Variants in UGGT2 observed in about 807,000 individuals in gnomAD.
The protein encoded by UGGT2 is UDP-glucose glycoprotein glucosyltransferase 2.
Under a neutral mutation model 192.1 loss-of-function variants are expected in UGGT2, and 180 were observed. The observed-to-expected ratio is 0.94, with a 90% confidence interval of 0.83 to 1.06. The LOEUF is 1.06. Ranked by LOEUF, UGGT2 falls within the 50% of genes least tolerant of loss-of-function variation. UGGT2 has a pLI of 0.00. For missense variants in UGGT2, 1,849 were observed against 1,795.7 expected (o/e 1.03, Z -0.54); for synonymous variants, 580 against 591.0 (o/e 0.98, Z 0.27).
At chr13:95,859,424 C>T (rs1889939630) in intron 33 of UGGT2, among the ~76,000 whole-genome samples, 167 bp downstream of exon 33, 1 of 152,076 alleles carries the variant, frequency 6.6e-6, no homozygotes. Flanking sequence ...CTTTGAACAT[C>T]TCTAAATAAA....
At chr13:95,849,539 T>C (rs1190300483) in intron 36 of UGGT2, among the ~76,000 whole-genome samples, 2 of 123,010 alleles carry the variant, frequency 1.6e-5, no homozygotes, top group African/African-American at 5.8e-5. Flanking sequence ...TGAGACTCTG[T>C]CTCAAAAAAA....
chr13:95,964,060 C>T (rs530941286), intron 12 of UGGT2, among the ~76,000 whole-genome samples: 4 of 152,138 alleles, frequency 2.6e-5, no homozygotes, highest in Admixed American at 2.6e-4. Flanking sequence ...CATCACACCA[C>T]CTGATTTGAA....
At position 95,927,350 on chromosome 13, in the gene UGGT2, A is replaced by T; in HGVS notation, c.1978-14T>A. ...ATTTAATGTGCCCTAAAAAAACAAAAATGTTATTTAGATAATACAGGCAAT... is the reference window on the plus strand; with the variant it reads ...ATTTAATGTGCCCTAAAAAAACAAATATGTTATTTAGATAATACAGGCAAT... On this transcript the variant is annotated splice_polypyrimidine_tract_variant and intron_variant, in intron 17 of 38. Transcript: ENST00000376747. The T allele has an allele frequency of 1.3e-6, 2 of 1,589,594 alleles. No homozygotes were observed. The highest frequency in any genetic ancestry group is 1.7e-6 in the Non-Finnish European group (2 of 1,171,270).
chr13:95,829,184 C>T (rs558315260), intron 38 of UGGT2, among the ~76,000 whole-genome samples: 27 of 152,156 alleles, frequency 1.8e-4, no homozygotes, highest in East Asian at 7.7e-4. Context: ...ATAATAAGAG[C>T]GATTTATGAC....
At chr13:96,013,919 T>C (rs1451211833) in intron 4 of UGGT2, among the ~76,000 whole-genome samples, 7 of 152,168 alleles carry the variant, frequency 4.6e-5, no homozygotes, top group Non-Finnish European at 1.0e-4. Flanking sequence ...AATCCCCAAG[T>C]ATAAGCAAAG....
At chr13:95,928,976 C>T (rs1008902823) in intron 17 of UGGT2, among the ~76,000 whole-genome samples, 2 of 152,192 alleles carry the variant, frequency 1.3e-5, no homozygotes, top group Admixed American at 1.3e-4. Context: ...GCAGATCACT[C>T]GAGGTCAGGA....
chr13:95,900,730 G>A, intron 22 of UGGT2, 77 bp downstream of exon 22: 1 of 1,438,086 alleles, frequency 7.0e-7, no homozygotes, highest in Non-Finnish European at 9.3e-7. Flanking sequence ...CACATCAGGG[G>A]AATTGTGACA....
chr13:96,043,165 A>G (rs2139207357), intron 1 of UGGT2, among the ~76,000 whole-genome samples: 1 of 152,342 alleles, frequency 6.6e-6, no homozygotes, highest in East Asian at 1.9e-4. Context: ...TTAACAGCAG[A>G]TTTCTCAGCA....
At chr13:95,866,425 T>C (rs2140108881) in intron 30 of UGGT2, among the ~76,000 whole-genome samples, 1 of 152,280 alleles carries the variant, frequency 6.6e-6, no homozygotes, top group African/African-American at 2.4e-5. Flanking sequence ...TAGAAAAATT[T>C]GATTTGCAGC....
Position 95,895,303 on chromosome 13 carries a change from A to T in UGGT2, c.2636T>A (p.Phe879Tyr). ...GEMGIVSNGR[F>Y]LGPLDEDFYA... ...AAAATCTTCATCTAAAGGTCCTAAG[A>T]ACTTAAAATAAAAACAGTTATATTA... Residue 879 changes from phenylalanine (F) to tyrosine (Y), a missense_variant and splice_region_variant, in exon 23 of 39, where the codon TTC becomes TAC. Transcript: ENST00000376747. 7.0e-7 allele frequency: 1 copy of T among 1,422,946 alleles called. No homozygotes were observed. Among genetic ancestry groups the T allele is most frequent in the Non-Finnish European group, 9.6e-7 (1 of 1,044,482 alleles). The allele number at this position is 1,422,946 out of a possible 1,614,324, so 88.1% of individuals were successfully genotyped here.
chr13:95,914,326 A>T (rs1017467127), intron 20 of UGGT2, among the ~76,000 whole-genome samples: 3 of 152,126 alleles, frequency 2.0e-5, no homozygotes, highest in Non-Finnish European at 1.5e-5. Flanking sequence ...GTTTCTTAAA[A>T]CTACTGGCAT....
intron 5 of UGGT2, among the ~76,000 whole-genome samples, chr13:96,009,504 C>T (rs2052086696): frequency 6.6e-6 from 1 of 152,176 alleles, no homozygotes; most frequent in Non-Finnish European, 1.5e-5. Flanking sequence ...AAAAAATAAA[C>T]AGCCCCATTA....
intron 16 of UGGT2, among the ~76,000 whole-genome samples, chr13:95,937,338 T>C (rs974852086): frequency 7.2e-5 from 11 of 152,204 alleles, no homozygotes; most frequent in African/African-American, 2.7e-4. Context: ...TCTGACATAG[T>C]GACTCCACTC....
intron 1 of UGGT2, among the ~76,000 whole-genome samples, chr13:96,033,396 G>GA (rs752474672): frequency 2.6e-5 from 4 of 152,074 alleles, no homozygotes; most frequent in Non-Finnish European, 5.9e-5. Context: ...TTGGTAGGGT[G>GA]GAGGGCCCGC....
At chr13:95,923,370 T>TTA (rs2048910489) in intron 20 of UGGT2, among the ~76,000 whole-genome samples, 1 of 56,492 alleles carries the variant, frequency 1.8e-5, no homozygotes, top group South Asian at 5.2e-4. Context: ...AGCATATTCT[T>TTA]TTTTTTTTTT....
intron 17 of UGGT2, among the ~76,000 whole-genome samples, chr13:95,931,764 A>G (rs1382836920): frequency 1.3e-5 from 2 of 152,044 alleles, no homozygotes; most frequent in Non-Finnish European, 2.9e-5. Flanking sequence ...CCCACCCGGA[A>G]CTCGCGCTGG....
Position 95,927,069 on chromosome 13 carries a change from C to T in UGGT2, c.2159G>A (p.Ser720Asn), listed in dbSNP as rs754246134. The change falls in exon 19 of 39, where the codon AGT (serine) becomes AAT (asparagine). Residue 720 changes from serine (S) to asparagine (N), a missense_variant. Coordinates refer to ENST00000376747, the MANE Select transcript of UGGT2 (RefSeq NM_020121.4). ...ATACATGTTCTTTGCAATTACAGCACTCTTATCTTGTGAATCCAAGAAAAA... is the reference window on the plus strand; with the variant it reads ...ATACATGTTCTTTGCAATTACAGCATTCTTATCTTGTGAATCCAAGAAAAA... ...TFFFLDSQDK[S>N]AVIAKNMYYL... 5 of 1,611,314 alleles carry T rather than the reference C, an allele frequency of 3.1e-6. No individual in the cohort carries two copies. The Admixed American group carries it at 6.7e-5, about 22-fold the overall frequency.
At chr13:95,927,410 C>T in intron 17 of UGGT2, 74 bp from the exon 18 acceptor site, 3 of 1,224,748 alleles carry the variant, frequency 2.4e-6, no homozygotes, top group Non-Finnish European at 2.2e-6. Context: ...GCAGATAACA[C>T]AAAGATTACT....
At chr13:95,931,941 G>A (rs1299436893) in intron 17 of UGGT2, among the ~76,000 whole-genome samples, 2 of 152,092 alleles carry the variant, frequency 1.3e-5, no homozygotes, top group Non-Finnish European at 2.9e-5. Flanking sequence ...GACGCCGAGG[G>A]CAAGGAGGTG....
Sources: allele counts gnomAD v4.1 joint callset (sites outside exome capture counted in the v4.1 genomes callset), GRCh38; gene constraint gnomAD v4.1.1; transcripts MANE v1.5; gene names NCBI Gene and HGNC (gene_info 2026-07-23, HGNC 2026-07-21).